Variants in RTN3 observed in about 807,000 individuals in gnomAD.
RTN3 encodes the protein reticulon 3, also known as reticulon-3.
RTN3 carries 49 observed loss-of-function variants against 77.8 expected under a neutral mutation model. The observed-to-expected ratio is 0.63, with a 90% CI of 0.50 to 0.80. The LOEUF (loss-of-function observed/expected upper bound fraction) is 0.80. Among genes scored for constraint, RTN3 ranks in the 30% least tolerant of loss-of-function variants. The pLI, the probability that RTN3 is intolerant of heterozygous loss-of-function variation, is 0.00. For synonymous variants in RTN3, 464 were observed against 446.9 expected (o/e 1.04, Z -0.48); for missense variants, 1,236 against 1,211.9 (o/e 1.02, Z -0.29).
chr11:63,712,982 C>A (rs1038486842), intron 2 of RTN3, among the ~76,000 whole-genome samples: 5 of 152,052 alleles, frequency 3.3e-5, no homozygotes, highest in African/African-American at 1.2e-4. Context: ...GTAATCCCAG[C>A]TACTCCGGAG....
chr11:63,757,302 C>T (rs1565051432), intron 8 of RTN3, among the ~76,000 whole-genome samples: 1 of 151,980 alleles, frequency 6.6e-6, no homozygotes, highest in East Asian at 1.9e-4. Flanking sequence ...TACTTTTTTT[C>T]CCCATACCTA....
chr11:63,737,124 A>C (rs2013178465), intron 3 of RTN3, among the ~76,000 whole-genome samples: 1 of 152,048 alleles, frequency 6.6e-6, no homozygotes, highest in Non-Finnish European at 1.5e-5. Context: ...ATACGCCGCC[A>C]TGCCCAGCTC....
chr11:63,702,840 C>T (rs1942310722), intron 1 of RTN3, among the ~76,000 whole-genome samples: 1 of 151,890 alleles, frequency 6.6e-6, no homozygotes. Context: ...TGCCCGCCAC[C>T]ACGCCCAGCT....
At chr11:63,683,935 TTTTC>T (rs1327044149) in intron 1 of RTN3, among the ~76,000 whole-genome samples, 2 of 148,326 alleles carry the variant, frequency 1.3e-5, no homozygotes, top group African/African-American at 5.0e-5. Flanking sequence ...TTCTCTTTTC[TTTTC>T]TTTCTTTTTT....
At chr11:63,690,536 A>G (rs912503171) in intron 1 of RTN3, among the ~76,000 whole-genome samples, 1 of 152,162 alleles carries the variant, frequency 6.6e-6, no homozygotes, top group Non-Finnish European at 1.5e-5. Context: ...CTTCTTACAG[A>G]TGGGGACTCA....
At chr11:63,751,081 C>G (rs1393462803) in intron 4 of RTN3, among the ~76,000 whole-genome samples, 1 of 151,642 alleles carries the variant, frequency 6.6e-6, no homozygotes, top group Non-Finnish European at 1.5e-5. Flanking sequence ...ATTGGTCAGG[C>G]TGGTCTTGAA....
intron 1 of RTN3, among the ~76,000 whole-genome samples, chr11:63,691,455 C>T (rs1476221460): frequency 6.6e-6 from 1 of 152,022 alleles, no homozygotes; most frequent in African/African-American, 2.4e-5. Context: ...CGAGGTCTCA[C>T]TATGTTGCCT....
At position 63,735,596 on chromosome 11, in the gene RTN3, CTCTCTT is replaced by C. The variant is rs1182966886; in HGVS notation, c.2531-14391_2531-14386del. Among the ~76,000 whole-genome samples the C allele has an allele frequency of 1.1e-3, 159 of 148,370 alleles. 2 individuals are homozygous for C. Among genetic ancestry groups the C allele is most frequent in the African/African-American group, 3.7e-3 (144 of 39,050 alleles). Reference sequence around the variant, plus strand: ...TCTCTCTCTCTCTCTCTCTCTCTCTCTCTCTTTCTTTCAACCCCTGTTTCCTGGGCT... The same window carrying C: ...TCTCTCTCTCTCTCTCTCTCTCTCTCTCTTTCAACCCCTGTTTCCTGGGCT... On this transcript the variant is annotated intron_variant, in intron 3 of 8. Transcript: ENST00000377819.
intron 2 of RTN3, among the ~76,000 whole-genome samples, chr11:63,705,767 A>AGATT (rs1015332716): frequency 2.0e-5 from 3 of 152,174 alleles, no homozygotes; most frequent in African/African-American, 7.2e-5. Context: ...CTTGTCCTAG[A>AGATT]GATTGAGTTG....
chr11:63,692,979 C>T (rs1032996636), intron 1 of RTN3, among the ~76,000 whole-genome samples: 1 of 152,132 alleles, frequency 6.6e-6, no homozygotes, highest in African/African-American at 2.4e-5. Flanking sequence ...CCATATTGCC[C>T]ATGCTGGTCT....
intron 3 of RTN3, among the ~76,000 whole-genome samples, chr11:63,729,451 TTTTTTTTTG>T (rs1209731078): frequency 1.2e-3 from 152 of 127,414 alleles, no homozygotes; most frequent in African/African-American, 4.3e-3. Flanking sequence ...TTTTTTTTTT[TTTTTTTTTG>T]TTTGTTTGAG....
At chr11:63,706,763 A>AT (rs1188903474) in intron 2 of RTN3, among the ~76,000 whole-genome samples, 1 of 152,174 alleles carries the variant, frequency 6.6e-6, no homozygotes, top group Non-Finnish European at 1.5e-5. Flanking sequence ...ATTTAAGCAA[A>AT]TAGGTATTAA....
At chr11:63,737,566 T>C (rs1382667216) in intron 3 of RTN3, among the ~76,000 whole-genome samples, 2 of 152,142 alleles carry the variant, frequency 1.3e-5, no homozygotes. Context: ...GCTGAGATCA[T>C]GCTACTGCAC....
chr11:63,690,010 T>A (rs1469837157), intron 1 of RTN3, among the ~76,000 whole-genome samples: 1 of 152,070 alleles, frequency 6.6e-6, no homozygotes, highest in Non-Finnish European at 1.5e-5. Context: ...TGCCCCCGCC[T>A]CGGCCTCCCA....
At chr11:63,693,281 C>T (rs553443983) in intron 1 of RTN3, among the ~76,000 whole-genome samples, 2 of 151,980 alleles carry the variant, frequency 1.3e-5, no homozygotes, top group East Asian at 1.9e-4. Context: ...GTCAGGAGTT[C>T]GAGACCAGCC....
At chr11:63,733,307 G>A (rs555413834) in intron 3 of RTN3, among the ~76,000 whole-genome samples, 2 of 152,084 alleles carry the variant, frequency 1.3e-5, no homozygotes, top group Admixed American at 6.6e-5. Context: ...GGCTTACACG[G>A]TGAAACCCCG....
chr11:63,697,517 C>T (rs949127003), intron 1 of RTN3, among the ~76,000 whole-genome samples: 7 of 151,690 alleles, frequency 4.6e-5, no homozygotes, highest in African/African-American at 1.5e-4. Context: ...CTCTTATCCC[C>T]CAGGCTGGAG....
rs2014486989 is a variant in RTN3 at position 63,758,221 on chromosome 11, G to A, written c.*20G>A. 3 of 1,613,412 alleles carry A rather than the reference G, an allele frequency of 1.9e-6. No individual in the cohort carries two copies. Among genetic ancestry groups the A allele is most frequent in the Non-Finnish European group, 2.5e-6 (3 of 1,179,754 alleles). ...GAATAAGTACATGGAAACCAGAAAT[G>A]CAACAGTTACTAAAACACCATTTAA... On this transcript the variant is annotated 3_prime_UTR_variant, in exon 9 of 9. Coordinates refer to ENST00000377819, the MANE Select transcript of RTN3 (RefSeq NM_001265589.2).
intron 5 of RTN3, 119 bp downstream of exon 5, chr11:63,752,764 G>T: frequency 1.8e-6 from 2 of 1,087,530 alleles, no homozygotes; most frequent in Non-Finnish European, 2.7e-6. Context: ...GCTTAGCTCA[G>T]TCATTCTATA....
Sources: allele counts gnomAD v4.1 joint callset (sites outside exome capture counted in the v4.1 genomes callset), GRCh38; gene constraint gnomAD v4.1.1; transcripts MANE v1.5; gene names NCBI Gene and HGNC (gene_info 2026-07-23, HGNC 2026-07-21).